DHX15: variants seen among roughly 807,000 people sequenced by gnomAD.
DHX15 encodes DEAH-box helicase 15.
A neutral mutation model predicts 94.4 loss-of-function variants in DHX15; 11 were observed. The ratio of observed to expected loss-of-function variants is 0.12; its 90% CI spans 0.07 to 0.19. The LOEUF (loss-of-function observed/expected upper bound fraction) is 0.19, where lower values mean the gene tolerates loss of function less well. DHX15 is among the 10% of genes least tolerant of loss of function. DHX15 has a pLI of 1.00. For synonymous variants in DHX15, 338 were observed against 329.9 expected, an observed-to-expected ratio of 1.02 and a Z score of -0.27; for missense variants, 304 against 988.5, an observed-to-expected ratio of 0.31 and a Z score of 9.29.
In DHX15 at chr4:24,584,498, T is replaced by C; in HGVS notation, c.-105A>G. The C allele has an allele frequency of 8.9e-7, 1 of 1,125,872 alleles. No homozygotes were observed. The highest frequency in any genetic ancestry group is 2.4e-5 in the Admixed American group (1 of 41,070). 69.7% of individuals were successfully genotyped at this position (1,125,872 alleles called of 1,614,324 possible). A position where few individuals can be genotyped will look rare whatever the true frequency, so the allele number is the denominator to read the frequency against. ...TCTGGAGGACCCCCACCCCTCCCGC[T>C]ACTACAGCCCACACGGTGCGGCCGG... is the stretch of plus-strand genomic sequence containing the variant. On this transcript the variant is annotated 5_prime_UTR_variant, in exon 1 of 14. Coordinates refer to ENST00000336812, the MANE Select transcript of DHX15 (RefSeq NM_001358.3).
At chr4:24,543,680 T>C (rs950761681) in intron 6 of DHX15, among the ~76,000 whole-genome samples, 4 of 152,178 alleles carry the variant, frequency 2.6e-5, no homozygotes, top group Non-Finnish European at 5.9e-5. Context: ...CATACTAATA[T>C]GATAGCTTGT....
At chr4:24,583,510 G>C (rs1217089697) in intron 1 of DHX15, among the ~76,000 whole-genome samples, 1 of 151,858 alleles carries the variant, frequency 6.6e-6, no homozygotes, top group Non-Finnish European at 1.5e-5. Flanking sequence ...CCTCCCCATG[G>C]GACGATGTTC....
chr4:24,538,339 A>G (rs2109394613), intron 10 of DHX15: 1 of 152,316 alleles, frequency 6.6e-6, no homozygotes. Flanking sequence ...AAATAGCCAA[A>G]TAGTGACAAC....
chr4:24,550,451 A>C (rs1358012763), intron 5 of DHX15, among the ~76,000 whole-genome samples: 2 of 152,252 alleles, frequency 1.3e-5, no homozygotes, highest in African/African-American at 4.8e-5. Context: ...GCTGTGCAAA[A>C]GTATTTTCTC....
chr4:24,551,470 A>C (rs1366484574), intron 5 of DHX15, among the ~76,000 whole-genome samples: 1 of 152,184 alleles, frequency 6.6e-6, no homozygotes, highest in African/African-American at 2.4e-5. Flanking sequence ...CAAACACATC[A>C]GTTTTTTTTA....
chr4:24,566,785 C>T (rs1015644411), intron 3 of DHX15, among the ~76,000 whole-genome samples: 3 of 152,160 alleles, frequency 2.0e-5, no homozygotes, highest in Non-Finnish European at 4.4e-5. Context: ...GAGATGGCAC[C>T]ACTGCACTCC....
intron 5 of DHX15, among the ~76,000 whole-genome samples, chr4:24,553,591 T>C (rs917516159): frequency 6.6e-6 from 1 of 150,900 alleles, no homozygotes; most frequent in Non-Finnish European, 1.5e-5. Context: ...CTGGCCAACA[T>C]AGTGAAACCC....
intron 6 of DHX15, among the ~76,000 whole-genome samples, chr4:24,548,010 C>G (rs1281873536): frequency 6.8e-6 from 1 of 148,040 alleles, no homozygotes; most frequent in Non-Finnish European, 1.5e-5. Context: ...TCAAAGATGT[C>G]TTCCCAGCCC....
At chr4:24,580,238 T>C (rs900818850) in intron 1 of DHX15, among the ~76,000 whole-genome samples, 9 of 151,982 alleles carry the variant, frequency 5.9e-5, no homozygotes, top group South Asian at 2.1e-4. Flanking sequence ...TGAGACCCCA[T>C]CTCTACAAAA....
intron 1 of DHX15, among the ~76,000 whole-genome samples, chr4:24,582,512 G>A (rs1722438823): frequency 6.6e-6 from 1 of 152,168 alleles, no homozygotes; most frequent in Non-Finnish European, 1.5e-5. Context: ...GTTCCAATCT[G>A]ACCTCCTGTG....
intron 5 of DHX15, among the ~76,000 whole-genome samples, chr4:24,551,970 T>C (rs1272968487): frequency 1.3e-5 from 2 of 152,216 alleles, no homozygotes; most frequent in African/African-American, 4.8e-5. Flanking sequence ...AACAAAATGA[T>C]GACTATGTAG....
intron 2 of DHX15, among the ~76,000 whole-genome samples, chr4:24,572,356 G>A (rs918773883): frequency 2.6e-5 from 4 of 151,986 alleles, no homozygotes; most frequent in Admixed American, 6.6e-5. Context: ...AGCTGGTGTC[G>A]AACTCCTGAC....
chr4:24,541,686 G>GT (rs1334851190), intron 8 of DHX15, among the ~76,000 whole-genome samples, 187 bp downstream of exon 8: 1 of 152,020 alleles, frequency 6.6e-6, no homozygotes, highest in Non-Finnish European at 1.5e-5. Flanking sequence ...GTCTTGGAAT[G>GT]TATCAGCCTG....
chr4:24,577,646 T>C (rs1276893818), intron 1 of DHX15, among the ~76,000 whole-genome samples: 1 of 152,186 alleles, frequency 6.6e-6, no homozygotes, highest in Admixed American at 6.5e-5. Context: ...TCAATGCTGG[T>C]ATCTACTTCC....
chr4:24,557,924 C>G (rs1178185310), intron 3 of DHX15, among the ~76,000 whole-genome samples: 3 of 149,914 alleles, frequency 2.0e-5, no homozygotes. Flanking sequence ...ACAGCTTCCT[C>G]TATTTGTGAG....
At chr4:24,564,363 C>T (rs1249771775) in intron 3 of DHX15, among the ~76,000 whole-genome samples, 1 of 152,106 alleles carries the variant, frequency 6.6e-6, no homozygotes, top group Non-Finnish European at 1.5e-5. Flanking sequence ...TGAGATATTA[C>T]GTGTGCTGTC....
At chr4:24,572,667 G>A (rs149565509) in intron 2 of DHX15, among the ~76,000 whole-genome samples, 18 of 152,172 alleles carry the variant, frequency 1.2e-4, no homozygotes, top group East Asian at 7.7e-4. Flanking sequence ...ACAAAATAAC[G>A]CTTTCTATAA....
At position 24,543,008 on chromosome 4, in the gene DHX15, T is replaced by C; in HGVS notation, c.1267A>G (p.Ile423Val). The C allele has an allele frequency of 1.9e-6, 3 of 1,611,924 alleles. No homozygotes were observed. The highest frequency in any genetic ancestry group is 2.5e-6 in the Non-Finnish European group (3 of 1,178,576). ...IGRKVVVSTN[I>V]AETSLTIDGV... ...TCTATTGTCAAAGACGTCTCTGCTA[T>C]GTTAGTTGACACAACTACCTGTTAA... is the stretch of plus-strand genomic sequence containing the variant. The change falls in exon 7 of 14, where the codon ATA (isoleucine) becomes GTA (valine). Residue 423 changes from isoleucine (I) to valine (V), a missense_variant. Physicochemically the swap from Ile to Val is conservative, Grantham distance 29 (BLOSUM62 3). Around this residue, in one of 9 missense-constraint regions of DHX15, gnomAD observed 40 missense variants for 107.1 expected, o/e 0.37. Coordinates refer to ENST00000336812, the MANE Select transcript of DHX15 (RefSeq NM_001358.3).
At chr4:24,528,821 C>T in intron 13 of DHX15, among the ~76,000 whole-genome samples, 1 of 151,882 alleles carries the variant, frequency 6.6e-6, no homozygotes, top group South Asian at 2.1e-4. Flanking sequence ...CATTTTTATG[C>T]CTGCACAGTT....
Sources: allele counts gnomAD v4.1 joint callset (sites outside exome capture counted in the v4.1 genomes callset), GRCh38; gene constraint gnomAD v4.1.1; regional missense constraint gnomAD v4.1.1; transcripts MANE v1.5; gene names NCBI Gene and HGNC (gene_info 2026-07-23, HGNC 2026-07-21).